Variants in PIGN observed in about 807,000 individuals in gnomAD.
PIGN encodes GPI ethanolamine phosphate transferase 1.
Under a neutral mutation model 125.4 loss-of-function variants are expected in PIGN, and 117 were observed. The observed-to-expected ratio is 0.93, with a 90% CI of 0.80 to 1.09. PIGN has a LOEUF of 1.09. Ranked by LOEUF, PIGN falls within the 50% of genes least tolerant of loss-of-function variation. PIGN has a pLI of 0.00. For synonymous variants in PIGN, 392 were observed against 377.8 expected (o/e 1.04, Z -0.44); for missense variants, 1,075 against 1,094.9 (o/e 0.98, Z 0.26).
chr18:62,136,752 CTATT>C (rs1428412513), intron 14 of PIGN: 1 of 244,158 alleles, frequency 4.1e-6, no homozygotes, highest in East Asian at 8.0e-5. Flanking sequence ...AAAACAATTT[CTATT>C]TAATTGGTCA....
rs767412304 is a variant in PIGN at position 62,114,594 on chromosome 18, T to C, written c.1218A>G (p.Arg406=). The part of the protein sequence containing the change: ...SKQFNILRKA[R]SYIKHRKFDE... Reference sequence around the variant, plus strand: ...CAAACTTTCTGTGTTTTATATAAGATCTTGCTTTTCTTAAAATGTTGAACT... The same window carrying C: ...CAAACTTTCTGTGTTTTATATAAGACCTTGCTTTTCTTAAAATGTTGAACT... The change falls in exon 15 of 31, where the codon AGA becomes AGG. Residue 406 remains arginine (R), a synonymous_variant. Transcript: ENST00000640252. 3 of 1,524,004 alleles carry C rather than the reference T, an allele frequency of 2.0e-6. No homozygotes were observed. The highest frequency in any genetic ancestry group is 1.7e-4 in the Middle Eastern group (1 of 5,962). 94.4% of individuals were successfully genotyped at this position (1,524,004 alleles called of 1,614,324 possible).
intron 10 of PIGN, among the ~76,000 whole-genome samples, 151 bp from the exon 11 acceptor site, chr18:62,143,497 C>T (rs1804205340): frequency 6.6e-6 from 1 of 151,788 alleles, no homozygotes; most frequent in African/African-American, 2.4e-5. Context: ...TGCTTAAAGG[C>T]AAAGGTGTAT....
chr18:62,056,013 C>T (rs1460901113), intron 30 of PIGN, among the ~76,000 whole-genome samples: 1 of 136,444 alleles, frequency 7.3e-6, no homozygotes, highest in Non-Finnish European at 1.6e-5. Context: ...TTAATCTGAA[C>T]TTATTTAAGT....
At chr18:62,021,189 AC>A (rs2144861150) in intron 23 of PIGN, among the ~76,000 whole-genome samples, 1 of 152,342 alleles carries the variant, frequency 6.6e-6, no homozygotes, top group Non-Finnish European at 1.5e-5. Flanking sequence ...TCATACAAAG[AC>A]TTATGCATGG....
At chr18:62,141,899 C>G (rs548174476) in intron 11 of PIGN, among the ~76,000 whole-genome samples, 4 of 152,174 alleles carry the variant, frequency 2.6e-5, no homozygotes, top group Non-Finnish European at 5.9e-5. Context: ...TACCCTCTCA[C>G]CAGAACTTAG....
intron 30 of PIGN, among the ~76,000 whole-genome samples, chr18:62,062,897 T>A (rs1240301380): frequency 7.8e-6 from 1 of 127,920 alleles, no homozygotes; most frequent in African/African-American, 3.0e-5. Context: ...TTTTTTTTTT[T>A]TTTTTTTTTT....
downstream of PIGN, among the ~76,000 whole-genome samples, chr18:62,037,989 T>C (rs1458950207): frequency 1.3e-5 from 2 of 152,224 alleles, no homozygotes; most frequent in African/African-American, 4.8e-5. Context: ...GTATTTTGTT[T>C]TGGAGGAATG....
chr18:62,183,500 A>G (rs777789385), intron 1 of PIGN, among the ~76,000 whole-genome samples: 4 of 151,780 alleles, frequency 2.6e-5, no homozygotes, highest in Non-Finnish European at 5.9e-5. Flanking sequence ...CCTATCTTCC[A>G]CTCTCTCCTA....
chr18:62,032,400 G>A (rs1241777816), intron 23 of PIGN, among the ~76,000 whole-genome samples: 2 of 152,176 alleles, frequency 1.3e-5, no homozygotes, highest in South Asian at 2.1e-4. Flanking sequence ...CATCTGGAAC[G>A]CAGCTGGCAT....
At chr18:62,022,087 C>T (rs918207202) in intron 23 of PIGN, among the ~76,000 whole-genome samples, 1 of 152,150 alleles carries the variant, frequency 6.6e-6, no homozygotes, top group Non-Finnish European at 1.5e-5. Flanking sequence ...TCTTCAAAGG[C>T]AGCAGAAGAT....
downstream of PIGN, among the ~76,000 whole-genome samples, chr18:62,038,303 TC>T (rs1233693883): frequency 1.8e-5 from 2 of 113,894 alleles, no homozygotes; most frequent in African/African-American, 3.1e-5. Flanking sequence ...TCAATCCCCC[TC>T]CGTGTTTTTT....
At chr18:62,032,615 T>C (rs1470856764) in intron 23 of PIGN, among the ~76,000 whole-genome samples, 2 of 152,244 alleles carry the variant, frequency 1.3e-5, no homozygotes, top group African/African-American at 2.4e-5. Flanking sequence ...GATGCTCTTA[T>C]GCTGATGACA....
intron 15 of PIGN, 24 bp downstream of exon 15, chr18:62,114,537 T>C: frequency 7.3e-7 from 1 of 1,361,092 alleles, no homozygotes; most frequent in Non-Finnish European, 1.0e-6. Context: ...CAGCTATTTA[T>C]GTCTATAAGG....
Position 62,041,640 on chromosome 18 carries a change from GGTGTGTGTGTGTGTGTGTGTGTGT to G in PIGN, c.*4192_*4215del, listed in dbSNP as rs1220795520. On this transcript the variant is annotated 3_prime_UTR_variant, in exon 31 of 31. Coordinates refer to ENST00000640252, the MANE Select transcript of PIGN (RefSeq NM_176787.5). ...ATTACAGGAGCCTACCACCCCGCCG[GGTGTGTGTGTGTGTGTGTGTGTGT>G]GTGTGTGTGTGTGTGTGTGTGTGTG... is the stretch of plus-strand genomic sequence containing the variant. The G allele has an allele frequency of 7.6e-4, 59 of 77,540 alleles. No homozygotes were observed. Among genetic ancestry groups the G allele is most frequent in the South Asian group, 1.8e-3 (3 of 1,700 alleles). 4.8% of individuals were successfully genotyped at this position (77,540 alleles called of 1,614,324 possible).
At chr18:62,060,822 A>G (rs910683472) in intron 30 of PIGN, among the ~76,000 whole-genome samples, 4 of 152,218 alleles carry the variant, frequency 2.6e-5, no homozygotes, top group Admixed American at 1.3e-4. Context: ...TATGAAAATT[A>G]CCTCAAAGGA....
intron 30 of PIGN, among the ~76,000 whole-genome samples, chr18:62,049,000 A>G (rs1451635902): frequency 1.3e-5 from 2 of 151,596 alleles, no homozygotes; most frequent in African/African-American, 4.8e-5. Context: ...ATGATTTCCA[A>G]TTTCATCCAT....
At chr18:62,181,413 G>T (rs2037711424) in intron 1 of PIGN, among the ~76,000 whole-genome samples, 1 of 151,672 alleles carries the variant, frequency 6.6e-6, no homozygotes, top group Admixed American at 6.6e-5. Flanking sequence ...AAACCTTATT[G>T]TCATTACTTC....
chr18:62,170,683 T>C (rs1227260937), intron 1 of PIGN, among the ~76,000 whole-genome samples: 1 of 152,194 alleles, frequency 6.6e-6, no homozygotes, highest in Non-Finnish European at 1.5e-5. Flanking sequence ...GTGTCTCTCA[T>C]TTTAACTCAA....
intron 10 of PIGN, among the ~76,000 whole-genome samples, chr18:62,145,469 T>TG (rs1260271241): frequency 6.6e-6 from 1 of 152,210 alleles, no homozygotes; most frequent in African/African-American, 2.4e-5. Flanking sequence ...TACTACCTCT[T>TG]GCTTTTTATC....
Sources: gnomAD v4.1 joint callset for allele counts (sites outside exome capture counted in the v4.1 genomes callset) on GRCh38, gnomAD v4.1.1 for gene constraint, MANE v1.5 for transcripts, NCBI Gene and HGNC (gene_info 2026-07-23, HGNC 2026-07-21) for gene names.